Variants in GUCY1A2 observed in about 807,000 individuals in gnomAD.
GUCY1A2 encodes the protein guanylate cyclase 1 soluble subunit alpha 2, also known as guanylate cyclase soluble subunit alpha-2.
In GUCY1A2, 27 loss-of-function variants were observed where a neutral mutation model predicts 63.5. The ratio of observed to expected loss-of-function variants is 0.43; its 90% CI spans 0.31 to 0.59. The LOEUF (loss-of-function observed/expected upper bound fraction) is 0.59. GUCY1A2 is among the 20% of genes least tolerant of loss of function. The probability of loss-of-function intolerance (pLI) is 0.11; values close to 1 mark genes in which losing one functional copy is unlikely to be tolerated. For synonymous variants in GUCY1A2, 364 were observed against 343.5 expected, an observed-to-expected ratio of 1.06 and a Z score of -0.66; for missense variants, 768 against 913.3, an observed-to-expected ratio of 0.84 and a Z score of 2.05.
chr11:106,898,368 C>G (rs1860080011), intron 4 of GUCY1A2, among the ~76,000 whole-genome samples: 1 of 152,286 alleles, frequency 6.6e-6, no homozygotes, highest in East Asian at 1.9e-4. Flanking sequence ...AGGTTGAAAA[C>G]ATGTATGCAC....
intron 1 of GUCY1A2, among the ~76,000 whole-genome samples, chr11:107,006,884 T>C (rs923218713): frequency 5.9e-5 from 9 of 152,330 alleles, no homozygotes; most frequent in Admixed American, 5.9e-4. Context: ...TAGAATTTCA[T>C]CTGCTCTCTT....
intron 4 of GUCY1A2, among the ~76,000 whole-genome samples, chr11:106,920,931 G>A (rs1164338192): frequency 6.6e-6 from 1 of 152,038 alleles, no homozygotes; most frequent in African/African-American, 2.4e-5. Flanking sequence ...AAAAGCAATG[G>A]AGTCTCTGCT....
At chr11:107,013,606 G>A (rs1861778057) in intron 1 of GUCY1A2, among the ~76,000 whole-genome samples, 1 of 152,144 alleles carries the variant, frequency 6.6e-6, no homozygotes, top group South Asian at 2.1e-4. Context: ...GGAGTGCAGT[G>A]GTGTGATCTC....
chr11:106,759,848 T>C (rs1045098959), intron 6 of GUCY1A2, among the ~76,000 whole-genome samples: 6 of 152,196 alleles, frequency 3.9e-5, no homozygotes, highest in Admixed American at 1.3e-4. Context: ...GACAGGAGAA[T>C]TGCTTGAACC....
At chr11:106,849,789 T>C (rs1859327410) in intron 4 of GUCY1A2, among the ~76,000 whole-genome samples, 1 of 151,700 alleles carries the variant, frequency 6.6e-6, no homozygotes. Context: ...AACTGAGCAT[T>C]ATCTTGGAAA....
At chr11:106,890,572 C>T (rs920462330) in intron 4 of GUCY1A2, among the ~76,000 whole-genome samples, 1 of 152,182 alleles carries the variant, frequency 6.6e-6, no homozygotes, top group South Asian at 2.1e-4. Context: ...CGGTTCATGA[C>T]CTTAACCTGC....
At chr11:106,869,925 C>T (rs1859651183) in intron 4 of GUCY1A2, among the ~76,000 whole-genome samples, 1 of 152,106 alleles carries the variant, frequency 6.6e-6, no homozygotes, top group South Asian at 2.1e-4. Flanking sequence ...ACTATGCAGC[C>T]ATAAAAAAGG....
At chr11:106,975,428 G>T (rs556530370) in intron 3 of GUCY1A2, among the ~76,000 whole-genome samples, 3 of 152,072 alleles carry the variant, frequency 2.0e-5, no homozygotes, top group African/African-American at 7.2e-5. Context: ...TCTATTTTTT[G>T]GACAACTAAA....
rs550024123 is a variant in GUCY1A2, at chr11:106,987,843, G to A, written c.304-1712C>T. Among the ~76,000 whole-genome samples the A allele has an allele frequency of 2.6e-5, 4 of 152,082 alleles. No homozygotes were observed. In the South Asian group the frequency reaches 8.3e-4, roughly 32 times the overall value. On this transcript the variant is annotated intron_variant, in intron 1 of 7. Coordinates refer to ENST00000526355, the MANE Select transcript of GUCY1A2 (RefSeq NM_000855.3). ...GAAAGTGAGCTTAAATTGAATCAAG[G>A]GCATCTACTGAGATCTACTCTACAT...
intron 4 of GUCY1A2, among the ~76,000 whole-genome samples, chr11:106,860,702 C>G (rs60347717): frequency 5.3e-5 from 8 of 152,124 alleles, no homozygotes; most frequent in African/African-American, 1.9e-4. Context: ...ACATACTTGG[C>G]TGAGTTCACA....
intron 6 of GUCY1A2, among the ~76,000 whole-genome samples, chr11:106,739,548 C>A (rs1167692484): frequency 1.3e-5 from 2 of 152,178 alleles, no homozygotes; most frequent in Admixed American, 1.3e-4. Flanking sequence ...GGGTAAGCAG[C>A]TTGCCTACAA....
At chr11:106,822,431 C>G (rs1858915377) in intron 4 of GUCY1A2, among the ~76,000 whole-genome samples, 1 of 151,996 alleles carries the variant, frequency 6.6e-6, no homozygotes, top group Admixed American at 6.6e-5. Flanking sequence ...TTGTGTGTTG[C>G]TGTGGTTTGG....
At chr11:106,758,417 C>T (rs1396839587) in intron 6 of GUCY1A2, among the ~76,000 whole-genome samples, 3 of 152,188 alleles carry the variant, frequency 2.0e-5, no homozygotes, top group Admixed American at 6.5e-5. Context: ...CTTCCCTTGG[C>T]TAGGAAAGGG....
chr11:106,922,971 A>G (rs1055061851), intron 4 of GUCY1A2, among the ~76,000 whole-genome samples: 1 of 152,038 alleles, frequency 6.6e-6, no homozygotes, highest in Non-Finnish European at 1.5e-5. Context: ...TGTTGTAGAA[A>G]CATACTAGAA....
At position 106,810,528 on chromosome 11, in the gene GUCY1A2, C is replaced by A. The variant is rs199728754; in HGVS notation, c.1207-50G>T. Reference sequence around the variant, plus strand: ...ATCAGTACTCTTCACATAGTAGGTTCACAAAATTTAATATATTATCTGATG... The same window carrying A: ...ATCAGTACTCTTCACATAGTAGGTTAACAAAATTTAATATATTATCTGATG... On this transcript the variant is annotated intron_variant, in intron 4 of 7. Coordinates refer to ENST00000526355, the MANE Select transcript of GUCY1A2 (RefSeq NM_000855.3). 532 of 1,460,928 alleles carry A rather than the reference C, an allele frequency of 3.6e-4. 7 individuals carry two copies. In the South Asian group the frequency reaches 6.8e-3, roughly 19 times the overall value. 90.5% of individuals were successfully genotyped at this position (1,460,928 alleles called of 1,614,324 possible).
chr11:106,911,515 C>T (rs1860293778), intron 4 of GUCY1A2, among the ~76,000 whole-genome samples: 1 of 152,200 alleles, frequency 6.6e-6, no homozygotes, highest in Non-Finnish European at 1.5e-5. Context: ...GAAGTTAAAG[C>T]ACAGGATTTA....
intron 4 of GUCY1A2, among the ~76,000 whole-genome samples, chr11:106,860,069 C>A (rs1221402368): frequency 2.0e-5 from 3 of 151,838 alleles, no homozygotes; most frequent in Admixed American, 2.0e-4. Flanking sequence ...GTGTAAAGTG[C>A]TTTTAATTGC....
At chr11:106,966,859 C>T (rs1017499259) in intron 3 of GUCY1A2, among the ~76,000 whole-genome samples, 3 of 151,896 alleles carry the variant, frequency 2.0e-5, no homozygotes, top group Non-Finnish European at 2.9e-5. Context: ...GAAGTAAACA[C>T]GTTTGGCAGA....
chr11:106,684,662 T>C lies in GUCY1A2; in HGVS notation c.*2887A>G. On this transcript the variant is annotated 3_prime_UTR_variant, in exon 8 of 8. Transcript: ENST00000526355. ...TCTTCCAAACAGCAGCTTAAAAGAA[T>C]ATTAAAATGCAAGAGCTATAGGTGC... 5.0e-6 allele frequency: 1 copy of C among 202,000 alleles called. No individual in the cohort carries two copies. Among genetic ancestry groups the C allele is most frequent in the Non-Finnish European group, 1.0e-5 (1 of 98,264 alleles). The allele number at this position is 202,000 out of a possible 1,614,324, so 12.5% of individuals were successfully genotyped here. A position where few individuals can be genotyped will look rare whatever the true frequency, so the allele number is the denominator to read the frequency against.
Sources: allele counts gnomAD v4.1 joint callset (sites outside exome capture counted in the v4.1 genomes callset), GRCh38; gene constraint gnomAD v4.1.1; transcripts MANE v1.5; gene names NCBI Gene and HGNC (gene_info 2026-07-23, HGNC 2026-07-21).